COL23A1: variants seen among roughly 807,000 people sequenced by gnomAD.
COL23A1 encodes collagen type XXIII alpha 1 chain, also known as collagen alpha-1(XXIII) chain.
COL23A1 carries 97 observed loss-of-function variants against 99.3 expected under a neutral mutation model. That is an observed-to-expected ratio of 0.98 (90% CI 0.83 to 1.16). The LOEUF is 1.16. Among genes scored for constraint, COL23A1 ranks in the 50% most tolerant of loss-of-function variants. COL23A1 has a pLI of 0.00. For synonymous variants in COL23A1, 320 were observed against 308.2 expected, an observed-to-expected ratio of 1.04 and a Z score of -0.40; for missense variants, 762 against 757.4, an observed-to-expected ratio of 1.01 and a Z score of -0.07.
At chr5:178,348,592 C>T (rs565641669) in intron 2 of COL23A1, among the ~76,000 whole-genome samples, 4 of 152,350 alleles carry the variant, frequency 2.6e-5, no homozygotes, top group South Asian at 4.1e-4. Context: ...AAGTGCCTCA[C>T]GCCCATTTAC....
chr5:178,582,689 G>A (rs1430811671), intron 1 of COL23A1, among the ~76,000 whole-genome samples: 9 of 151,898 alleles, frequency 5.9e-5, no homozygotes, highest in South Asian at 4.1e-4. Flanking sequence ...TCCAGACTCC[G>A]CCCTCCAAAA....
rs1187896057 is a variant in COL23A1 at position 178,366,471 on chromosome 5, T to A, written c.362-59552A>T. Among the ~76,000 whole-genome samples, 1 of 152,218 alleles carries A rather than the reference T, an allele frequency of 6.6e-6. No individual in the cohort carries two copies. Among genetic ancestry groups the A allele is most frequent in the African/African-American group, 2.4e-5 (1 of 41,456 alleles). On this transcript the variant is annotated intron_variant, in intron 2 of 28. Coordinates refer to ENST00000390654, the MANE Select transcript of COL23A1 (RefSeq NM_173465.4). The surrounding 1 kb of genome is among the most constrained non-coding windows in gnomAD (Gnocchi z 4.4). Reference sequence around the variant, plus strand: ...TCCAGTTTGGGGCCATCATCTCTTGTGCATCTTTGCTCACGGCGTCTTCTG... The same window carrying A: ...TCCAGTTTGGGGCCATCATCTCTTGAGCATCTTTGCTCACGGCGTCTTCTG...
intron 2 of COL23A1, among the ~76,000 whole-genome samples, chr5:178,485,356 T>C (rs967914317): frequency 1.3e-5 from 2 of 151,712 alleles, no homozygotes; most frequent in Non-Finnish European, 2.9e-5. Flanking sequence ...GTGCCTGTAG[T>C]CCCAGCTACT....
intron 1 of COL23A1, chr5:178,562,113 G>C (rs1167596560): frequency 1.9e-6 from 1 of 525,362 alleles, no homozygotes; most frequent in South Asian, 1.5e-5. Context: ...GTGGTGGCAG[G>C]CGCCTATAAT....
At chr5:178,319,179 GTGC>G (rs1404556433) in intron 2 of COL23A1, among the ~76,000 whole-genome samples, 6 of 152,154 alleles carry the variant, frequency 3.9e-5, no homozygotes, top group Non-Finnish European at 7.4e-5. Context: ...ACCCAGATCT[GTGC>G]TAGCGCAAGT....
chr5:178,454,949 C>T (rs513927), intron 2 of COL23A1, among the ~76,000 whole-genome samples: 7,624 of 152,270 alleles, frequency 0.05, 616 homozygotes, highest in African/African-American at 0.17. Flanking sequence ...CTGCTCCATC[C>T]CCTTCCCGGC....
rs564032918 is a variant in COL23A1, at chr5:178,303,288, T to C, written c.406+3587A>G. On this transcript the variant is annotated intron_variant, in intron 3 of 28. Transcript: ENST00000390654. ...GTGCTGGGATTACATGTGTGTGCCA[T>C]GCATGGTTTTTAAAGCTGGTTTTTA... Among the ~76,000 whole-genome samples, 7 of 152,224 alleles carry C rather than the reference T, an allele frequency of 4.6e-5. No individual in the cohort carries two copies. In the South Asian group the frequency reaches 6.2e-4, roughly 14 times the overall value.
intron 1 of COL23A1, among the ~76,000 whole-genome samples, chr5:178,585,548 G>A (rs79817617): frequency 2.4e-5 from 2 of 82,168 alleles, no homozygotes; most frequent in South Asian, 6.1e-4. Flanking sequence ...ACACTCCACA[G>A]CCCTGGTTGA....
chr5:178,300,735 A>ATTTT (rs563601112), intron 3 of COL23A1, among the ~76,000 whole-genome samples: 5,834 of 150,418 alleles, frequency 0.039, 151 homozygotes, highest in African/African-American at 0.072. Context: ...TTATTTATTT[A>ATTTT]TTTTTTTTAG....
At chr5:178,322,272 G>A (rs1432184471) in intron 2 of COL23A1, among the ~76,000 whole-genome samples, 1 of 152,146 alleles carries the variant, frequency 6.6e-6, no homozygotes, top group African/African-American at 2.4e-5. Flanking sequence ...GATTACAAGC[G>A]TGAGCCACCG....
At chr5:178,268,267 G>A (rs1756022646) in intron 7 of COL23A1, among the ~76,000 whole-genome samples, 1 of 152,168 alleles carries the variant, frequency 6.6e-6, no homozygotes, top group Admixed American at 6.5e-5. Flanking sequence ...TGAGACACTT[G>A]GTCCCTGTTT....
intron 2 of COL23A1, among the ~76,000 whole-genome samples, chr5:178,519,130 A>AACAGCAG (rs1759801459): frequency 6.6e-6 from 1 of 152,162 alleles, no homozygotes; most frequent in African/African-American, 2.4e-5. Context: ...GAGCCTTCTC[A>AACAGCAG]ACAGCAGTTC....
chr5:178,260,853 G>A (rs1300567426), intron 11 of COL23A1, among the ~76,000 whole-genome samples: 1 of 152,190 alleles, frequency 6.6e-6, no homozygotes, highest in Non-Finnish European at 1.5e-5. Flanking sequence ...GGATGAACAG[G>A]CGGAGAACAG....
intron 2 of COL23A1, among the ~76,000 whole-genome samples, chr5:178,514,519 T>G (rs1214014341): frequency 1.3e-5 from 2 of 152,252 alleles, no homozygotes; most frequent in Non-Finnish European, 2.9e-5. Flanking sequence ...ATTTTGTATG[T>G]GGAAGCCCAG....
chr5:178,321,536 C>T (rs1044090920), intron 2 of COL23A1, among the ~76,000 whole-genome samples: 4 of 134,756 alleles, frequency 3.0e-5, no homozygotes, highest in Non-Finnish European at 3.0e-5. Flanking sequence ...GTTGCCCAGG[C>T]TGGAGTGCAG....
Position 178,242,000 on chromosome 5 carries a change from A to T in COL23A1, c.1581+42T>A, listed in dbSNP as rs1040857627. 3.4e-6 allele frequency: 5 copies of T among 1,478,864 alleles called. No homozygotes were observed. In the African/African-American group the frequency reaches 5.6e-5, roughly 17 times the overall value. The allele number at this position is 1,478,864 out of a possible 1,614,324, so 91.6% of individuals were successfully genotyped here. On this transcript the variant is annotated intron_variant, in intron 27 of 28. Transcript: ENST00000390654. ...AAGATGTTGGGCTGACCCTGGCTGG[A>T]GGCCAAAAAGACCTGGGGCAGGGCC...
At chr5:178,346,384 C>A (rs1176664529) in intron 2 of COL23A1, among the ~76,000 whole-genome samples, 2 of 152,088 alleles carry the variant, frequency 1.3e-5, no homozygotes, top group Non-Finnish European at 2.9e-5. Flanking sequence ...CAGGGGCCTG[C>A]CACCATGTCT....
chr5:178,481,447 A>G lies in COL23A1; in HGVS notation c.361+79235T>C, dbSNP rs186764958. Among the ~76,000 whole-genome samples, 209 of 152,282 alleles carry G rather than the reference A, an allele frequency of 1.4e-3. 1 individual carries two copies. The highest frequency in any genetic ancestry group is 7.7e-3 in the South Asian group (37 of 4,824). ...AGAGAGTATAAAGACAACCCAGAGA[A>G]TTTGCAAGTCATATATCTGATAAGT... is the stretch of plus-strand genomic sequence containing the variant. On this transcript the variant is annotated intron_variant, in intron 2 of 28. Transcript: ENST00000390654.
intron 2 of COL23A1, among the ~76,000 whole-genome samples, chr5:178,408,323 C>G (rs2127775997): frequency 6.6e-6 from 1 of 152,120 alleles, no homozygotes. Flanking sequence ...ATGCCTAAAG[C>G]AAATTCAAAA....
Sources: allele counts gnomAD v4.1 joint callset (sites outside exome capture counted in the v4.1 genomes callset), GRCh38; gene constraint gnomAD v4.1.1; non-coding constraint Gnocchi (gnomAD v3.1); transcripts MANE v1.5; gene names NCBI Gene and HGNC (gene_info 2026-07-23, HGNC 2026-07-21).